NAV3: variants seen among roughly 807,000 people sequenced by gnomAD.
NAV3 encodes the protein pore membrane and/or filament interacting like protein 1.
Under a neutral mutation model 244.7 loss-of-function variants are expected in NAV3, and 87 were observed. The ratio of observed to expected loss-of-function variants is 0.36; its 90% CI spans 0.30 to 0.42. The LOEUF (loss-of-function observed/expected upper bound fraction) is 0.42, where lower values mean the gene tolerates loss of function less well. Among genes scored for constraint, NAV3 ranks in the 20% least tolerant of loss-of-function variants. The pLI is 1.00. For missense variants in NAV3, 2,663 were observed against 2,893.3 expected (o/e 0.92, Z 1.83); for synonymous variants, 1,126 against 1,042.2 (o/e 1.08, Z -1.55).
intron 5 of NAV3, among the ~76,000 whole-genome samples, chr12:77,977,215 G>A (rs1176304495): frequency 6.6e-6 from 1 of 152,042 alleles, no homozygotes; most frequent in Non-Finnish European, 1.5e-5. Flanking sequence ...AGCTCTTTCA[G>A]TGAAGTAGTT....
rs1874890873 is a variant in NAV3 at position 77,837,615 on chromosome 12, A to T, written c.243+5911A>T. Among the ~76,000 whole-genome samples, 3 of 152,172 alleles carry T rather than the reference A, an allele frequency of 2.0e-5. No individual in the cohort carries two copies. In the South Asian group the frequency reaches 6.2e-4, roughly 32 times the overall value. ...AGAATGTGGTAGAATAGAGATTCAGACTAAGGCTGTATGGTTACAGAAGAC... is the reference window on the plus strand; with the variant it reads ...AGAATGTGGTAGAATAGAGATTCAGTCTAAGGCTGTATGGTTACAGAAGAC... On this transcript the variant is annotated intron_variant, in intron 1 of 39. Transcript: ENST00000397909.
At chr12:77,912,808 C>CT (rs1886741946) in intron 1 of NAV3, among the ~76,000 whole-genome samples, 2 of 149,978 alleles carry the variant, frequency 1.3e-5, no homozygotes, top group Non-Finnish European at 3.0e-5. Context: ...GATGGGGTTT[C>CT]ACCATATTGC....
chr12:77,686,298 G>A (rs1428121560), intron 2 of NAV3, among the ~76,000 whole-genome samples: 1 of 151,936 alleles, frequency 6.6e-6, no homozygotes, highest in Admixed American at 6.6e-5. Flanking sequence ...TCACCATGTT[G>A]ACCAGGCCGG....
At chr12:77,824,467 A>G (rs895886810) in intron 2 of NAV3, among the ~76,000 whole-genome samples, 6 of 152,110 alleles carry the variant, frequency 3.9e-5, no homozygotes, top group Non-Finnish European at 8.8e-5. Context: ...GGTCCAACAT[A>G]CATAATTGGA....
chr12:77,914,524 G>A (rs975490367), intron 1 of NAV3, among the ~76,000 whole-genome samples: 2 of 152,046 alleles, frequency 1.3e-5, no homozygotes, highest in Non-Finnish European at 2.9e-5. Context: ...GCAACATTTT[G>A]TTTTGGAGAT....
intron 2 of NAV3, among the ~76,000 whole-genome samples, chr12:77,784,346 T>C (rs566161372): frequency 6.6e-6 from 1 of 152,260 alleles, no homozygotes; most frequent in East Asian, 1.9e-4. Flanking sequence ...ATGATATCTT[T>C]AAGAAAAACT....
At chr12:77,969,206 A>G (rs757385157) in intron 5 of NAV3, among the ~76,000 whole-genome samples, 1 of 151,648 alleles carries the variant, frequency 6.6e-6, no homozygotes, top group Non-Finnish European at 1.5e-5. Context: ...ATGCACATAC[A>G]TGTATTATTT....
chr12:77,632,757 A>C (rs188983442), intron 2 of NAV3, among the ~76,000 whole-genome samples: 1 of 152,152 alleles, frequency 6.6e-6, no homozygotes, highest in Non-Finnish European at 1.5e-5. Context: ...AAAGTAATAC[A>C]CCAATTTTTG....
Position 78,210,513 on chromosome 12 carries a change from T to C in NAV3, c.7154T>C (p.Leu2385Pro), listed in dbSNP as rs202141197. Residue 2385 changes from leucine to proline, a missense_variant, in exon 40 of 40, where the codon CTC becomes CCC. Around this residue, in one of 6 missense-constraint regions of NAV3, gnomAD observed 543 missense variants for 672.4 expected, o/e 0.81. Coordinates refer to ENST00000397909, the MANE Select transcript of NAV3 (RefSeq NM_001024383.2). Reference sequence around the variant, plus strand: ...TTGGATTCATCTCTTGAATCTACCCTCTAGAGGGTGAAAAAAGTTAAGGGA... The same window carrying C: ...TTGGATTCATCTCTTGAATCTACCCCCTAGAGGGTGAAAAAAGTTAAGGGA... ...DILDSSLEST[L>P] 1,115 of 1,609,432 alleles carry C rather than the reference T, an allele frequency of 6.9e-4. No homozygotes were observed. Among genetic ancestry groups the C allele is most frequent in the Non-Finnish European group, 8.6e-4 (1,013 of 1,178,662 alleles).
intron 2 of NAV3, among the ~76,000 whole-genome samples, chr12:77,584,995 G>C (rs1158407206): frequency 6.6e-6 from 1 of 152,158 alleles, no homozygotes; most frequent in African/African-American, 2.4e-5. Context: ...TGATACAACT[G>C]AAAGTAGGGA....
chr12:78,113,860 T>G (rs960696688), intron 12 of NAV3, among the ~76,000 whole-genome samples: 4 of 152,232 alleles, frequency 2.6e-5, no homozygotes, highest in Non-Finnish European at 5.9e-5. Context: ...TTTTTAAAAC[T>G]TTTATGCTCT....
At chr12:78,071,343 A>G (rs1358634505) in intron 12 of NAV3, among the ~76,000 whole-genome samples, 1 of 151,968 alleles carries the variant, frequency 6.6e-6, no homozygotes, top group Non-Finnish European at 1.5e-5. Context: ...TGGCTGCATA[A>G]ATGTCTTCTT....
intron 2 of NAV3, among the ~76,000 whole-genome samples, chr12:77,594,492 A>C (rs556519248): frequency 6.6e-6 from 1 of 152,364 alleles, no homozygotes; most frequent in Admixed American, 6.5e-5. Flanking sequence ...CTGGCAGAAC[A>C]GCCTGGATAT....
At chr12:77,633,627 T>C (rs898434437) in intron 2 of NAV3, among the ~76,000 whole-genome samples, 2 of 152,074 alleles carry the variant, frequency 1.3e-5, no homozygotes, top group African/African-American at 4.8e-5. Flanking sequence ...CCAACTTAAA[T>C]CCAAAAAAAT....
intron 2 of NAV3, among the ~76,000 whole-genome samples, chr12:77,591,418 T>G (rs1357297106): frequency 1.3e-5 from 2 of 152,228 alleles, no homozygotes; most frequent in Non-Finnish European, 2.9e-5. Context: ...TGTTCGTTAT[T>G]TAATTGTTTT....
At chr12:77,738,041 C>T (rs1016875692) in intron 2 of NAV3, among the ~76,000 whole-genome samples, 11 of 152,246 alleles carry the variant, frequency 7.2e-5, no homozygotes, top group African/African-American at 2.4e-4. Flanking sequence ...GTCTTCAGGT[C>T]GTTTTCCTCC....
intron 34 of NAV3, among the ~76,000 whole-genome samples, chr12:78,190,530 CG>C (rs1958928792): frequency 6.6e-6 from 1 of 151,882 alleles, no homozygotes; most frequent in Non-Finnish European, 1.5e-5. Context: ...GAAAGAGGTC[CG>C]TGCACAAGCA....
chr12:78,002,202 T>C (rs948063170), intron 7 of NAV3, among the ~76,000 whole-genome samples: 5 of 152,218 alleles, frequency 3.3e-5, no homozygotes, highest in African/African-American at 4.8e-5. Flanking sequence ...TGGAATCCAG[T>C]TTCTTTATTA....
chr12:78,151,393 A>G (rs1957075726), intron 22 of NAV3, among the ~76,000 whole-genome samples: 1 of 152,078 alleles, frequency 6.6e-6, no homozygotes, highest in Admixed American at 6.6e-5. Flanking sequence ...ATATCCCTTA[A>G]TAGGCCAGTT....
Sources: allele counts gnomAD v4.1 joint callset (sites outside exome capture counted in the v4.1 genomes callset), GRCh38; gene constraint gnomAD v4.1.1; regional missense constraint gnomAD v4.1.1; transcripts MANE v1.5; gene names NCBI Gene and HGNC (gene_info 2026-07-23, HGNC 2026-07-21).